FBXL17: variants seen among roughly 807,000 people sequenced by gnomAD.
The protein encoded by FBXL17 is F-box and leucine rich repeat protein 17.
FBXL17 carries 22 observed loss-of-function variants against 66.2 expected under a neutral mutation model. That is an observed-to-expected ratio of 0.33 (90% CI 0.24 to 0.47). The LOEUF (loss-of-function observed/expected upper bound fraction) is 0.47, where lower values mean the gene tolerates loss of function less well. Ranked by LOEUF, FBXL17 falls within the 20% of genes least tolerant of loss-of-function variation. The pLI is 1.00. For synonymous variants in FBXL17, 474 were observed against 400.5 expected (o/e 1.18, Z -2.19); for missense variants, 878 against 948.2 (o/e 0.93, Z 0.97).
Position 108,381,467 on chromosome 5 carries a change from G to GC in FBXL17, c.224dup (p.Glu77ArgfsTer218). On this transcript the variant is annotated frameshift_variant, in exon 1 of 9. Coordinates refer to ENST00000542267, the MANE Select transcript of FBXL17 (RefSeq NM_001163315.3). LOFTEE classifies it high-confidence loss of function. ...GCGAGAGCGGCGGCTCCTCCTCTGG[G>GC]CCGGCGGGGGCGGGCGCGCCGGGAC... 7.6e-7 allele frequency: 1 copy of GC among 1,322,970 alleles called. No homozygotes were observed. Among genetic ancestry groups the GC allele is most frequent in the Non-Finnish European group, 9.6e-7 (1 of 1,043,216 alleles). 82.0% of individuals were successfully genotyped at this position (1,322,970 alleles called of 1,614,324 possible).
At chr5:108,029,417 G>T (rs1754949836) in intron 6 of FBXL17, among the ~76,000 whole-genome samples, 1 of 152,108 alleles carries the variant, frequency 6.6e-6, no homozygotes, top group African/African-American at 2.4e-5. Flanking sequence ...TGAATCCTTT[G>T]AGTCTCAAGG....
chr5:108,235,389 C>T (rs548314961), intron 4 of FBXL17, among the ~76,000 whole-genome samples: 6 of 152,296 alleles, frequency 3.9e-5, no homozygotes, highest in African/African-American at 1.4e-4. Context: ...TATACTAGCA[C>T]TGTAAAGATG....
At chr5:107,869,000 A>G (rs917434176) in intron 8 of FBXL17, among the ~76,000 whole-genome samples, 3 of 152,208 alleles carry the variant, frequency 2.0e-5, no homozygotes. Context: ...CTCTGCTTTG[A>G]GAAAGAGAGG....
intron 6 of FBXL17, among the ~76,000 whole-genome samples, chr5:108,126,664 C>CTCTCTCTCTCTCTCTCTCTCTCT (rs1561423141): frequency 9.3e-6 from 1 of 107,958 alleles, no homozygotes; most frequent in Non-Finnish European, 2.0e-5. Context: ...TATATATATA[C>CTCTCTCTCTCTCTCTCTCTCTCT]ATATATATAT....
intron 7 of FBXL17, among the ~76,000 whole-genome samples, chr5:107,967,138 A>G (rs1051392643): frequency 2.6e-5 from 4 of 152,096 alleles, no homozygotes; most frequent in African/African-American, 7.2e-5. Flanking sequence ...TCATTATTGG[A>G]GTCCTTGTGA....
At chr5:108,233,861 A>T (rs1755478088) in intron 4 of FBXL17, among the ~76,000 whole-genome samples, 1 of 152,178 alleles carries the variant, frequency 6.6e-6, no homozygotes, top group Non-Finnish European at 1.5e-5. Flanking sequence ...TGAAAACCAG[A>T]TACCCAGGGT....
chr5:107,861,613 A>C lies in FBXL17; in HGVS notation c.*107T>G, dbSNP rs553726735. On this transcript the variant is annotated 3_prime_UTR_variant, in exon 9 of 9. Transcript: ENST00000542267. ...GACACAAATACACATACTTGAACACACACAGACAGGTGACAGTTAAAACCC... is the reference window on the plus strand; with the variant it reads ...GACACAAATACACATACTTGAACACCCACAGACAGGTGACAGTTAAAACCC... The C allele has an allele frequency of 1.6e-5, 17 of 1,078,348 alleles. No homozygotes were observed. The East Asian group carries it at 4.7e-4, about 30-fold the overall frequency. The allele number at this position is 1,078,348 out of a possible 1,614,324, so 66.8% of individuals were successfully genotyped here. A position where few individuals can be genotyped will look rare whatever the true frequency, so the allele number is the denominator to read the frequency against.
chr5:108,118,584 T>C (rs1264473569), intron 6 of FBXL17, among the ~76,000 whole-genome samples: 1 of 152,236 alleles, frequency 6.6e-6, no homozygotes, highest in Admixed American at 6.5e-5. Context: ...TTTGCAATCT[T>C]CTCTGGTAGA....
intron 6 of FBXL17, among the ~76,000 whole-genome samples, chr5:108,149,914 C>T (rs1356197769): frequency 6.6e-6 from 1 of 152,096 alleles, no homozygotes; most frequent in Non-Finnish European, 1.5e-5. Context: ...TGTTTCTAGG[C>T]CCCTTAACTT....
At chr5:108,341,007 T>C (rs979301183) in intron 4 of FBXL17, among the ~76,000 whole-genome samples, 9 of 152,292 alleles carry the variant, frequency 5.9e-5, no homozygotes, top group African/African-American at 2.2e-4. Context: ...ACTTCTCATA[T>C]ATGCCGTAGA....
intron 7 of FBXL17, among the ~76,000 whole-genome samples, chr5:108,006,656 T>C (rs1460788385): frequency 6.6e-6 from 1 of 152,200 alleles, no homozygotes; most frequent in Non-Finnish European, 1.5e-5. Context: ...TTATAATCAG[T>C]ATTACATACT....
intron 3 of FBXL17, among the ~76,000 whole-genome samples, chr5:108,351,188 G>T (rs189556885): frequency 2.0e-5 from 3 of 151,850 alleles, no homozygotes; most frequent in Non-Finnish European, 4.4e-5. Flanking sequence ...AAAAAGATAG[G>T]TACATAATTA....
chr5:108,146,666 G>A (rs1026815065), intron 6 of FBXL17, among the ~76,000 whole-genome samples: 3 of 152,140 alleles, frequency 2.0e-5, no homozygotes, highest in Non-Finnish European at 2.9e-5. Flanking sequence ...GAAGACTCCT[G>A]GAGAGTCAGT....
chr5:108,157,491 A>G (rs1297508290), intron 6 of FBXL17, among the ~76,000 whole-genome samples: 1 of 151,794 alleles, frequency 6.6e-6, no homozygotes, highest in East Asian at 1.9e-4. Context: ...AAACTTTTTT[A>G]TTTCAAAAGA....
At chr5:107,876,295 A>C (rs1748611288) in intron 8 of FBXL17, among the ~76,000 whole-genome samples, 1 of 152,222 alleles carries the variant, frequency 6.6e-6, no homozygotes, top group African/African-American at 2.4e-5. Context: ...CTCTTTAATG[A>C]TACCCCAGAC....
chr5:108,156,818 A>G (rs985779266), intron 6 of FBXL17, among the ~76,000 whole-genome samples: 15 of 151,896 alleles, frequency 9.9e-5, no homozygotes, highest in African/African-American at 3.6e-4. Flanking sequence ...CTCTAATCTG[A>G]AGTTCCAAGA....
chr5:108,052,779 C>T (rs539542260), intron 6 of FBXL17, among the ~76,000 whole-genome samples: 5 of 152,292 alleles, frequency 3.3e-5, no homozygotes, highest in Middle Eastern at 3.4e-3. Context: ...AGGCATCATG[C>T]TACCTGAATT....
chr5:108,181,088 G>A (rs796760271), intron 6 of FBXL17, among the ~76,000 whole-genome samples: 58 of 152,166 alleles, frequency 3.8e-4, no homozygotes, highest in African/African-American at 1.4e-3. Context: ...TAAGTATATT[G>A]CTATAACAAT....
At chr5:108,131,874 A>C (rs777455509) in intron 6 of FBXL17, among the ~76,000 whole-genome samples, 18 of 152,194 alleles carry the variant, frequency 1.2e-4, no homozygotes, top group Non-Finnish European at 2.1e-4. Context: ...AGAGTAATTG[A>C]CACATAAATT....
Sources: allele counts gnomAD v4.1 joint callset (sites outside exome capture counted in the v4.1 genomes callset), GRCh38; gene constraint gnomAD v4.1.1; transcripts MANE v1.5; gene names NCBI Gene and HGNC (gene_info 2026-07-23, HGNC 2026-07-21).